PHLPP1: variants seen among roughly 807,000 people sequenced by gnomAD.
PHLPP1 encodes PH domain and leucine rich repeat protein phosphatase 1, also known as PH domain leucine-rich repeat-containing protein phosphatase 1.
PHLPP1 carries 42 observed loss-of-function variants against 117.2 expected under a neutral mutation model. That is an observed-to-expected ratio of 0.36 (90% CI 0.28 to 0.46). The LOEUF is 0.46. Ranked by LOEUF, PHLPP1 falls within the 20% of genes least tolerant of loss-of-function variation. The pLI is 1.00. For synonymous variants in PHLPP1, 1,042 were observed against 970.7 expected (o/e 1.07, Z -1.37); for missense variants, 2,084 against 2,241.9 (o/e 0.93, Z 1.42).
At chr18:62,951,812 A>ATTTTTTTT (rs34516044) in intron 12 of PHLPP1, among the ~76,000 whole-genome samples, 1 of 101,422 alleles carries the variant, frequency 9.9e-6, no homozygotes, top group African/African-American at 4.1e-5. Flanking sequence ...CACATAATTA[A>ATTTTTTTT]TTTTTTTTTT....
intron 1 of PHLPP1, among the ~76,000 whole-genome samples, chr18:62,820,153 T>G (rs1275968996): frequency 1.3e-5 from 2 of 152,124 alleles, no homozygotes; most frequent in Non-Finnish European, 2.9e-5. Flanking sequence ...GATATAACAA[T>G]CCTAAATGTT....
intron 1 of PHLPP1, among the ~76,000 whole-genome samples, chr18:62,768,818 G>A (rs990969260): frequency 4.6e-5 from 7 of 152,058 alleles, no homozygotes; most frequent in African/African-American, 9.7e-5. Flanking sequence ...AGCAAATACC[G>A]GAAACTGGGT....
intron 3 of PHLPP1, among the ~76,000 whole-genome samples, chr18:62,854,235 T>A (rs1387193004): frequency 6.6e-6 from 1 of 152,264 alleles, no homozygotes; most frequent in African/African-American, 2.4e-5. Flanking sequence ...AGAAGCTTTC[T>A]GTAACAGAGA....
intron 1 of PHLPP1, among the ~76,000 whole-genome samples, chr18:62,815,694 ACTT>A (rs1188448063): frequency 1.6e-4 from 25 of 152,330 alleles, no homozygotes; most frequent in East Asian, 3.9e-4. Flanking sequence ...TGCTGCTGTC[ACTT>A]CTTCTACATT....
intron 13 of PHLPP1, among the ~76,000 whole-genome samples, chr18:62,959,334 T>C (rs531764024): frequency 6.6e-6 from 1 of 152,334 alleles, no homozygotes; most frequent in African/African-American, 2.4e-5. Context: ...ACTCAAAAGA[T>C]CTTTACAGTA....
intron 16 of PHLPP1, among the ~76,000 whole-genome samples, chr18:62,976,388 AAAC>A (rs1432501275): frequency 1.3e-5 from 2 of 152,204 alleles, no homozygotes; most frequent in Non-Finnish European, 1.5e-5. Flanking sequence ...ATACAATACA[AAAC>A]AAAACCTCGT....
chr18:62,747,982 G>C (rs1030129680), intron 1 of PHLPP1, among the ~76,000 whole-genome samples: 17 of 152,118 alleles, frequency 1.1e-4, no homozygotes, highest in Admixed American at 3.3e-4. Context: ...GATTAACTTT[G>C]TGATCTGGTA....
chr18:62,952,434 ATTCTTGCCAATTTTAAGGTT>A (rs1183555392), intron 12 of PHLPP1, among the ~76,000 whole-genome samples: 2 of 152,152 alleles, frequency 1.3e-5, no homozygotes, highest in Non-Finnish European at 2.9e-5. Context: ...ATCACCTCAA[ATTCTTGCCAATTTTAAGGTT>A]TCCCAAGGTT....
chr18:62,716,657 C>G lies in PHLPP1; in HGVS notation c.974C>G (p.Pro325Arg), dbSNP rs1910750491. 6 of 1,433,624 alleles carry G rather than the reference C, an allele frequency of 4.2e-6. No homozygotes were observed. Among genetic ancestry groups the G allele is most frequent in the Non-Finnish European group, 4.6e-6 (5 of 1,095,380 alleles). 88.8% of individuals were successfully genotyped at this position (1,433,624 alleles called of 1,614,324 possible). A position where few individuals can be genotyped will look rare whatever the true frequency, so the allele number is the denominator to read the frequency against. ...RASPAPSDSS[P>R]GEPFVGGPVS... ...AGCCCAGCGCCCTCGGACTCCAGCC[C>G]CGGCGAGCCGTTCGTTGGGGGCCCT... Residue 325 changes from proline to arginine, a missense_variant, in exon 1 of 17, where the codon CCC (proline) becomes CGC (arginine). Around this residue, in one of 2 missense-constraint regions of PHLPP1, gnomAD observed 719 missense variants for 636.0 expected, o/e 1.13. Transcript: ENST00000262719. This position sits in a 1 kb window ranked among gnomAD's most constrained non-coding sequence, Gnocchi z 5.7.
chr18:62,719,829 G>T lies in PHLPP1; in HGVS notation c.1576+2570G>T, dbSNP rs145595292. On this transcript the variant is annotated intron_variant, in intron 1 of 16. Coordinates refer to ENST00000262719, the MANE Select transcript of PHLPP1 (RefSeq NM_194449.4). Reference sequence around the variant, plus strand: ...TGTCTTGAGGGTCTGCTCTCTTGAAGATCACCTTTCTGTTCAATTTTAGTA... The same window carrying T: ...TGTCTTGAGGGTCTGCTCTCTTGAATATCACCTTTCTGTTCAATTTTAGTA... 1.3e-3 allele frequency among the ~76,000 whole-genome samples: 194 copies of T among 152,220 alleles called. 2 individuals carry two copies. Among genetic ancestry groups the T allele is most frequent in the African/African-American group, 4.5e-3 (188 of 41,544 alleles).
chr18:62,863,313 G>C (rs889867298), intron 4 of PHLPP1, among the ~76,000 whole-genome samples: 1 of 151,944 alleles, frequency 6.6e-6, no homozygotes, highest in Non-Finnish European at 1.5e-5. Flanking sequence ...TGATCCTCCT[G>C]CCTCAGCCTC....
At chr18:62,891,514 G>A (rs1268772068) in intron 4 of PHLPP1, among the ~76,000 whole-genome samples, 2 of 152,116 alleles carry the variant, frequency 1.3e-5, no homozygotes, top group African/African-American at 4.8e-5. Context: ...CAACCCAGGA[G>A]GTGGAGGTTG....
At chr18:62,820,924 A>G (rs1201242579) in intron 1 of PHLPP1, among the ~76,000 whole-genome samples, 1 of 152,248 alleles carries the variant, frequency 6.6e-6, no homozygotes, top group Non-Finnish European at 1.5e-5. Context: ...TCTGACCACA[A>G]TGGGATTAAA....
intron 10 of PHLPP1, among the ~76,000 whole-genome samples, chr18:62,930,699 G>A (rs1263272427): frequency 5.3e-5 from 8 of 152,166 alleles, no homozygotes. Context: ...AGACCTAATA[G>A]ATGTCTAGAA....
chr18:62,746,640 C>G (rs1434289613), intron 1 of PHLPP1, among the ~76,000 whole-genome samples: 1 of 151,662 alleles, frequency 6.6e-6, no homozygotes, highest in Non-Finnish European at 1.5e-5. Context: ...AACTATCCAC[C>G]AGCTTTGTTG....
chr18:62,759,051 A>C (rs1171993582), intron 1 of PHLPP1, among the ~76,000 whole-genome samples: 1 of 152,220 alleles, frequency 6.6e-6, no homozygotes, highest in Non-Finnish European at 1.5e-5. Flanking sequence ...CTTTGTGGGA[A>C]GTACATAGGA....
intron 4 of PHLPP1, among the ~76,000 whole-genome samples, chr18:62,892,744 C>T (rs1916458759): frequency 6.6e-6 from 1 of 151,364 alleles, no homozygotes; most frequent in Non-Finnish European, 1.5e-5. Flanking sequence ...GGCATGGTGG[C>T]GGGTGCCTGT....
intron 4 of PHLPP1, among the ~76,000 whole-genome samples, chr18:62,883,290 C>T (rs181789537): frequency 6.6e-6 from 1 of 152,238 alleles, no homozygotes; most frequent in East Asian, 1.9e-4. Context: ...CACCAGACAG[C>T]AGGCTGGGAG....
At chr18:62,744,465 A>C (rs553571654) in intron 1 of PHLPP1, among the ~76,000 whole-genome samples, 72 of 152,354 alleles carry the variant, frequency 4.7e-4, no homozygotes, top group African/African-American at 1.6e-3. Context: ...TGCCAGCTGA[A>C]GTTCCTGCTG....
Sources: allele counts gnomAD v4.1 joint callset (sites outside exome capture counted in the v4.1 genomes callset), GRCh38; gene constraint gnomAD v4.1.1; regional missense constraint gnomAD v4.1.1; non-coding constraint Gnocchi (gnomAD v3.1); transcripts MANE v1.5; gene names NCBI Gene and HGNC (gene_info 2026-07-23, HGNC 2026-07-21).